The following ADGRV1 variants were observed in gnomAD, a reference collection of about 807,000 sequenced individuals.
ADGRV1 encodes the protein adhesion G protein-coupled receptor V1.
A neutral mutation model predicts 596.2 loss-of-function variants in ADGRV1; 359 were observed. The ratio of observed to expected loss-of-function variants is 0.60; its 90% confidence interval spans 0.55 to 0.66. ADGRV1 has a LOEUF of 0.66. ADGRV1 is among the 30% of genes least tolerant of loss of function. ADGRV1 has a pLI of 0.00. For synonymous variants in ADGRV1, 2,681 were observed against 2,679.2 expected (o/e 1.00, Z -0.02); for missense variants, 7,274 against 7,575.6 (o/e 0.96, Z 1.48).
chr5:90,570,482 C>G (rs945963841), intron 1 of ADGRV1, among the ~76,000 whole-genome samples: 11 of 152,054 alleles, frequency 7.2e-5, no homozygotes, highest in Admixed American at 1.3e-4. Context: ...ATTTGGGAAG[C>G]CTTCAGCCAT....
At chr5:90,938,468 C>T (rs553710509) in intron 83 of ADGRV1, among the ~76,000 whole-genome samples, 1 of 152,056 alleles carries the variant, frequency 6.6e-6, no homozygotes, top group Non-Finnish European at 1.5e-5. Context: ...GTGAGACTGG[C>T]GATGTTTGAG....
chr5:90,780,278 G>T (rs940536245), intron 64 of ADGRV1, among the ~76,000 whole-genome samples: 4 of 152,052 alleles, frequency 2.6e-5, no homozygotes, highest in Non-Finnish European at 4.4e-5. Flanking sequence ...ATCTCAAAAG[G>T]TAAGTAGTAC....
chr5:90,719,691 G>T (rs892355274), intron 43 of ADGRV1, among the ~76,000 whole-genome samples: 2 of 152,094 alleles, frequency 1.3e-5, no homozygotes, highest in Admixed American at 6.5e-5. Flanking sequence ...GACTACAAAT[G>T]TTTTTTTAAC....
intron 87 of ADGRV1, among the ~76,000 whole-genome samples, chr5:91,130,047 G>A (rs1794082159): frequency 6.6e-6 from 1 of 152,130 alleles, no homozygotes. Flanking sequence ...AGTGGGATTG[G>A]TGGTCAGAAG....
intron 1 of ADGRV1, among the ~76,000 whole-genome samples, chr5:90,582,397 AG>A (rs1758183534): frequency 6.6e-6 from 1 of 152,202 alleles, no homozygotes; most frequent in African/African-American, 2.4e-5. Flanking sequence ...GTATATATTT[AG>A]GATAGCCAGA....
chr5:90,697,573 A>C (rs151223715), intron 34 of ADGRV1, among the ~76,000 whole-genome samples: 1,558 of 152,302 alleles, frequency 0.01, 26 homozygotes, highest in African/African-American at 0.036. Flanking sequence ...CCGGTTAAAA[A>C]CAAGTAATAG....
intron 87 of ADGRV1, among the ~76,000 whole-genome samples, chr5:91,123,285 G>T (rs1793482174): frequency 6.6e-6 from 1 of 152,174 alleles, no homozygotes; most frequent in Non-Finnish European, 1.5e-5. Flanking sequence ...CATTCAGGTT[G>T]CTCTAGCAAA....
chr5:91,141,986 A>G (rs1306511408), intron 87 of ADGRV1, among the ~76,000 whole-genome samples: 8 of 152,204 alleles, frequency 5.3e-5, no homozygotes, highest in Admixed American at 4.6e-4. Flanking sequence ...CAACCCAGAA[A>G]AGCATTGACC....
intron 10 of ADGRV1, among the ~76,000 whole-genome samples, chr5:90,637,153 G>T (rs572215446): frequency 3.3e-4 from 50 of 152,252 alleles, no homozygotes; most frequent in African/African-American, 1.2e-3. Flanking sequence ...AGAAAATTAG[G>T]ATCAGAGAGG....
rs60263347 is a variant in ADGRV1 at position 90,937,454 on chromosome 5, ATTTTT to A, written c.17857-27944_17857-27940del. On this transcript the variant is annotated intron_variant, in intron 83 of 89. Transcript: ENST00000405460. ...TGTATCTTTTAATTGCAGTAACTGT[ATTTTT>A]TTTTTTTTTTTTTTTTGAGACGGAG... Among the ~76,000 whole-genome samples, 444 of 105,038 alleles carry A rather than the reference ATTTTT, an allele frequency of 4.2e-3. 3 individuals carry two copies. Among genetic ancestry groups the A allele is most frequent in the African/African-American group, 0.014 (390 of 27,496 alleles). 68.9% of individuals were successfully genotyped at this position (105,038 alleles called of 152,430 possible).
At chr5:90,974,530 C>A (rs543997121) in intron 84 of ADGRV1, among the ~76,000 whole-genome samples, 1 of 152,074 alleles carries the variant, frequency 6.6e-6, no homozygotes, top group African/African-American at 2.4e-5. Flanking sequence ...GAACAGAGCC[C>A]TCAGAAATAA....
At position 90,985,896 on chromosome 5, in the gene ADGRV1, G is replaced by C. The variant is rs926660589; in HGVS notation, c.18152+374G>C. On this transcript the variant is annotated intron_variant, in intron 85 of 89. Transcript: ENST00000405460. ...TAAGCAGTGTGTTTTTGGTGAGGGT[G>C]GGGGATGGCAGCCACCATCACCCAT... Among the ~76,000 whole-genome samples, 4 of 151,914 alleles carry C rather than the reference G, an allele frequency of 2.6e-5. No individual in the cohort carries two copies. The South Asian group carries it at 8.3e-4, about 32-fold the overall frequency.
chr5:90,893,901 T>C (rs935189107), intron 83 of ADGRV1, among the ~76,000 whole-genome samples: 11 of 152,236 alleles, frequency 7.2e-5, no homozygotes, highest in Non-Finnish European at 1.5e-4. Flanking sequence ...TCCAATATTT[T>C]AGGTGTAAAT....
intron 52 of ADGRV1, among the ~76,000 whole-genome samples, chr5:90,747,981 A>G (rs775159174): frequency 1.2e-4 from 18 of 152,212 alleles, no homozygotes; most frequent in Non-Finnish European, 2.2e-4. Context: ...CTCACATTTT[A>G]GAAGGAACAA....
At chr5:90,703,608 C>G in intron 34 of ADGRV1, 57 bp from the exon 35 acceptor site, 1 of 1,351,548 alleles carries the variant, frequency 7.4e-7, no homozygotes, top group Non-Finnish European at 1.0e-6. Context: ...TTGTTGAGTT[C>G]AAATGTGAAG....
At chr5:90,617,510 A>G (rs537914008) in intron 2 of ADGRV1, 3 of 205,314 alleles carry the variant, frequency 1.5e-5, no homozygotes, top group African/African-American at 7.1e-5. Flanking sequence ...AGGTTTCACC[A>G]TATTGGCCAG....
chr5:90,840,086 C>G (rs757376699), intron 77 of ADGRV1, among the ~76,000 whole-genome samples: 1 of 152,114 alleles, frequency 6.6e-6, no homozygotes, highest in East Asian at 1.9e-4. Context: ...TGTCCAGGAC[C>G]CTACTCCTTA....
chr5:90,732,386 G>A (rs1011202484), intron 50 of ADGRV1, among the ~76,000 whole-genome samples: 3 of 151,990 alleles, frequency 2.0e-5, no homozygotes, highest in African/African-American at 7.3e-5. Context: ...GTGATATTTT[G>A]ATATACATAT....
chr5:90,706,093 A>G (rs1748554528), intron 37 of ADGRV1, 138 bp from the exon 38 acceptor site: 3 of 636,374 alleles, frequency 4.7e-6, no homozygotes, highest in Middle Eastern at 3.3e-4. Flanking sequence ...AAGATTATGG[A>G]TATAGGAAGG....
Sources: allele counts gnomAD v4.1 joint callset (sites outside exome capture counted in the v4.1 genomes callset), GRCh38; gene constraint gnomAD v4.1.1; transcripts MANE v1.5; gene names NCBI Gene and HGNC (gene_info 2026-07-23, HGNC 2026-07-21).